Variants in MICU1 observed in about 807,000 individuals in gnomAD.
The protein encoded by MICU1 is mitochondrial calcium uptake 1, also known as calcium uptake protein 1, mitochondrial.
MICU1 carries 45 observed loss-of-function variants against 56.8 expected under a neutral mutation model. The observed-to-expected ratio is 0.79, with a 90% CI of 0.62 to 1.02. MICU1 has a LOEUF of 1.02. Ranked by LOEUF, MICU1 falls within the 50% of genes least tolerant of loss-of-function variation. MICU1 has a pLI of 0.00. For synonymous variants in MICU1, 186 were observed against 195.1 expected (o/e 0.95, Z 0.39); for missense variants, 504 against 587.1 (o/e 0.86, Z 1.46).
Position 72,431,734 on chromosome 10 carries a change from G to A in MICU1, c.934-8363C>T, listed in dbSNP as rs369018726. ...GTTTTTATTTTTTGCCACTCTCTTCGGTCTAAAAATGGTAGAGATAAACTA... is the reference window on the plus strand; with the variant it reads ...GTTTTTATTTTTTGCCACTCTCTTCAGTCTAAAAATGGTAGAGATAAACTA... On this transcript the variant is annotated intron_variant, in intron 8 of 11. Coordinates refer to ENST00000361114, the MANE Select transcript of MICU1 (RefSeq NM_001195518.2). Among the ~76,000 whole-genome samples, 37 of 152,102 alleles carry A rather than the reference G, an allele frequency of 2.4e-4. 1 individual carries two copies. The South Asian group carries it at 7.1e-3, about 29-fold the overall frequency.
intron 8 of MICU1, among the ~76,000 whole-genome samples, chr10:72,456,170 T>TA (rs1375346297): frequency 6.6e-6 from 1 of 152,154 alleles, no homozygotes; most frequent in Admixed American, 6.6e-5. Context: ...GGTAGCAAGA[T>TA]AAACTGCTGG....
Position 72,563,050 on chromosome 10 carries a change from A to T in MICU1, c.175T>A (p.Ser59Thr). The change falls in exon 3 of 12, where the codon TCT (serine) becomes ACT (threonine). Residue 59 changes from serine (S) to threonine (T), a missense_variant. Coordinates refer to ENST00000361114, the MANE Select transcript of MICU1 (RefSeq NM_001195518.2). ...GLLWKRAHAE[S>T]PPCVDNLKSD... is the part of the protein sequence containing the mutation. Reference sequence around the variant, plus strand: ...TTTAGGTTGTCTACACATGGTGGAGATTCTGCATGGGCCCTGGATATGCAA... The same window carrying T: ...TTTAGGTTGTCTACACATGGTGGAGTTTCTGCATGGGCCCTGGATATGCAA... 1 of 1,577,000 alleles carries T rather than the reference A, an allele frequency of 6.3e-7. No homozygotes were observed. The highest frequency in any genetic ancestry group is 8.6e-7 in the Non-Finnish European group (1 of 1,164,732).
At chr10:72,470,525 G>A (rs993620724) in intron 8 of MICU1, among the ~76,000 whole-genome samples, 6 of 152,014 alleles carry the variant, frequency 3.9e-5, no homozygotes, top group Non-Finnish European at 5.9e-5. Context: ...TAAGACAGAG[G>A]GTAAATGGGG....
chr10:72,562,999 T>C lies in MICU1; in HGVS notation c.226A>G (p.Asn76Asp), dbSNP rs780221129. 6.2e-7 allele frequency: 1 copy of C among 1,609,762 alleles called. No individual in the cohort carries two copies. Among genetic ancestry groups the C allele is most frequent in the South Asian group, 1.1e-5 (1 of 89,868 alleles). ...TTACAAACATCCCCTTCATCTTTATTCTTCCCTTTATCACCGATGTCACTT... is the reference window on the plus strand; with the variant it reads ...TTACAAACATCCCCTTCATCTTTATCCTTCCCTTTATCACCGATGTCACTT... ...LKSDIGDKGK[N>D]KDEGDVCNHE... is the part of the protein sequence containing the mutation. Residue 76 changes from asparagine (N) to aspartate (D), a missense_variant, in exon 3 of 12, where the codon AAT becomes GAT. Transcript: ENST00000361114.
intron 9 of MICU1, among the ~76,000 whole-genome samples, chr10:72,411,076 T>C (rs1028822362): frequency 6.6e-6 from 1 of 152,156 alleles, no homozygotes; most frequent in Non-Finnish European, 1.5e-5. Context: ...ATGATGGCCC[T>C]CGAAGACATT....
intron 8 of MICU1, among the ~76,000 whole-genome samples, chr10:72,460,969 A>G (rs1466786259): frequency 6.6e-6 from 1 of 152,166 alleles, no homozygotes; most frequent in Non-Finnish European, 1.5e-5. Flanking sequence ...AAAGATGGCT[A>G]TAAGAGGGAT....
At chr10:72,431,042 T>C (rs1181676038) in intron 8 of MICU1, among the ~76,000 whole-genome samples, 1 of 152,194 alleles carries the variant, frequency 6.6e-6, no homozygotes, top group Non-Finnish European at 1.5e-5. Context: ...TGTGCTTCTT[T>C]CATTTTTACT....
chr10:72,487,680 C>T (rs1049060209), intron 6 of MICU1, among the ~76,000 whole-genome samples: 11 of 152,092 alleles, frequency 7.2e-5, no homozygotes. Flanking sequence ...TTGAGAAAGC[C>T]AAAGCTTTAG....
In MICU1 at chr10:72,506,253, C is replaced by T. The variant is rs1008846407; in HGVS notation, c.652+1902G>A. On this transcript the variant is annotated intron_variant, in intron 6 of 11. Coordinates refer to ENST00000361114, the MANE Select transcript of MICU1 (RefSeq NM_001195518.2). Reference sequence around the variant, plus strand: ...CTTTTAAGTGGTTAAGGGAGCTATGCGATGTACCAGGTACTCTGAAGGTTC... The same window carrying T: ...CTTTTAAGTGGTTAAGGGAGCTATGTGATGTACCAGGTACTCTGAAGGTTC... 1.8e-4 allele frequency among the ~76,000 whole-genome samples: 27 copies of T among 152,250 alleles called. 1 individual carries two copies. Among genetic ancestry groups the T allele is most frequent in the South Asian group, 1.0e-3 (5 of 4,830 alleles).
chr10:72,496,725 C>T (rs1021594449), intron 6 of MICU1, among the ~76,000 whole-genome samples: 2 of 151,820 alleles, frequency 1.3e-5, no homozygotes, highest in Admixed American at 6.6e-5. Flanking sequence ...CGTGAGCCAC[C>T]GTGCCTGGCC....
At chr10:72,518,034 C>CT (rs1197780931) in intron 5 of MICU1, among the ~76,000 whole-genome samples, 726 of 142,624 alleles carry the variant, frequency 5.1e-3, no homozygotes, top group Non-Finnish European at 6.3e-3. Context: ...TTCTTTTCTT[C>CT]TTTTTTTTTT....
intron 6 of MICU1, among the ~76,000 whole-genome samples, chr10:72,495,881 T>C (rs1204047594): frequency 2.0e-5 from 3 of 152,132 alleles, no homozygotes; most frequent in Non-Finnish European, 2.9e-5. Flanking sequence ...CCTTAAGACA[T>C]TTAAAAATGC....
intron 9 of MICU1, among the ~76,000 whole-genome samples, chr10:72,419,996 G>A (rs1864102189): frequency 6.6e-6 from 1 of 152,128 alleles, no homozygotes; most frequent in Non-Finnish European, 1.5e-5. Context: ...AAGATCTGAT[G>A]GTTTTACAAA....
intron 1 of MICU1, among the ~76,000 whole-genome samples, chr10:72,622,109 G>A (rs1331343510): frequency 6.6e-6 from 1 of 151,772 alleles, no homozygotes; most frequent in Non-Finnish European, 1.5e-5. Flanking sequence ...TTTTTTAGTA[G>A]AAACGGGGTT....
chr10:72,461,817 G>C (rs760156721), intron 8 of MICU1, among the ~76,000 whole-genome samples: 8 of 152,150 alleles, frequency 5.3e-5, no homozygotes, highest in Non-Finnish European at 1.0e-4. Context: ...CAGGTGTGGT[G>C]GTGGGCACCT....
intron 8 of MICU1, among the ~76,000 whole-genome samples, chr10:72,432,959 T>C (rs1195375339): frequency 6.6e-6 from 1 of 152,240 alleles, no homozygotes; most frequent in Non-Finnish European, 1.5e-5. Context: ...CTTTATGTTT[T>C]TTTTGAGACG....
intron 1 of MICU1, among the ~76,000 whole-genome samples, chr10:72,619,978 T>C (rs1246697043): frequency 6.6e-6 from 1 of 152,142 alleles, no homozygotes. Flanking sequence ...CCTTTTGTGC[T>C]ATATTACAGT....
chr10:72,447,847 C>T (rs1256799929), intron 8 of MICU1, among the ~76,000 whole-genome samples: 1 of 152,020 alleles, frequency 6.6e-6, no homozygotes, highest in Non-Finnish European at 1.5e-5. Flanking sequence ...TCTGCTTTTA[C>T]CTGGATGAAC....
chr10:72,375,927 T>C (rs542312789), intron 10 of MICU1, 55 bp from the exon 11 acceptor site: 36 of 1,516,600 alleles, frequency 2.4e-5, no homozygotes, highest in Non-Finnish European at 3.3e-5. Context: ...TTTTGCTTTC[T>C]CTGATTCAGG....
Sources: allele counts gnomAD v4.1 joint callset (sites outside exome capture counted in the v4.1 genomes callset), GRCh38; gene constraint gnomAD v4.1.1; transcripts MANE v1.5; gene names NCBI Gene and HGNC (gene_info 2026-07-23, HGNC 2026-07-21).